DCAF17: variants seen among roughly 807,000 people sequenced by gnomAD.
The protein encoded by DCAF17 is DDB1- and CUL4-associated factor 17.
DCAF17 carries 48 observed loss-of-function variants against 66.0 expected under a neutral mutation model. That is an observed-to-expected ratio of 0.73 (90% CI 0.58 to 0.92). DCAF17 has a LOEUF of 0.92. Ranked by LOEUF, DCAF17 falls within the 40% of genes least tolerant of loss-of-function variation. The pLI, the probability that DCAF17 is intolerant of heterozygous loss-of-function variation, is 0.00. For synonymous variants in DCAF17, 206 were observed against 214.6 expected, an observed-to-expected ratio of 0.96 and a Z score of 0.35; for missense variants, 562 against 622.8, an observed-to-expected ratio of 0.90 and a Z score of 1.04.
Position 171,466,326 on chromosome 2 carries a change from T to C in DCAF17, c.839-2562T>C, listed in dbSNP as rs141826455. Among the ~76,000 whole-genome samples, 430 of 152,384 alleles carry C rather than the reference T, an allele frequency of 2.8e-3. 4 individuals are homozygous for C. Among genetic ancestry groups the C allele is most frequent in the African/African-American group, 9.9e-3 (412 of 41,598 alleles). ...TATGCTTTATGTTAAAATTGTCTTT[T>C]AAAGTATTATTTGACCTTTCACAGA... On this transcript the variant is annotated intron_variant, in intron 8 of 13. Coordinates refer to ENST00000375255, the MANE Select transcript of DCAF17 (RefSeq NM_025000.4).
intron 6 of DCAF17, among the ~76,000 whole-genome samples, chr2:171,457,304 G>A (rs1339547437): frequency 6.6e-6 from 1 of 152,170 alleles, no homozygotes; most frequent in East Asian, 1.9e-4. Flanking sequence ...ATTTATTCCT[G>A]TATGTCCAAG....
Position 171,448,689 on chromosome 2 carries a change from A to T in DCAF17, c.330A>T (p.Ile110=). The change falls in exon 4 of 14, where the codon ATA becomes ATT. Residue 110 remains isoleucine, a synonymous_variant. Transcript: ENST00000375255. The stretch of plus-strand genomic sequence containing the variant: ...TCTCTTTTTTTTTTTAGGGAGATAT[A>T]CTTCCCAATTCATCAGATTATAAGT... ...ALLWECPVGD[I]LPNSSDYKSS... is the part of the protein sequence containing the mutation. The T allele has an allele frequency of 6.3e-7, 1 of 1,583,374 alleles. No individual in the cohort carries two copies. The highest frequency in any genetic ancestry group is 8.6e-7 in the Non-Finnish European group (1 of 1,167,326).
intron 6 of DCAF17, among the ~76,000 whole-genome samples, chr2:171,454,220 G>T (rs1228839158): frequency 6.6e-6 from 1 of 151,676 alleles, no homozygotes; most frequent in Non-Finnish European, 1.5e-5. Context: ...CCTAAAGGTG[G>T]CAAGTAGAGG....
In DCAF17 at chr2:171,465,406, T is replaced by G. The variant is rs2105788068; in HGVS notation, c.839-3482T>G. ...TTTTCGATTTTGGGGTTTGCTGTTT[T>G]CCTTTTGAGTTTATTCTTGAAATTG... On this transcript the variant is annotated intron_variant, in intron 8 of 13. Coordinates refer to ENST00000375255, the MANE Select transcript of DCAF17 (RefSeq NM_025000.4). Among the ~76,000 whole-genome samples, 3 of 152,332 alleles carry G rather than the reference T, an allele frequency of 2.0e-5. 1 individual carries two copies. The Middle Eastern group carries it at 0.01, about 518-fold the overall frequency.
At chr2:171,452,627 T>A (rs1033350310) in intron 5 of DCAF17, among the ~76,000 whole-genome samples, 8 of 152,136 alleles carry the variant, frequency 5.3e-5, no homozygotes, top group African/African-American at 1.9e-4. Flanking sequence ...CTAATTTTTT[T>A]ATTTTTTGTA....
At position 171,434,287 on chromosome 2, in the gene DCAF17, G is replaced by C; in HGVS notation, c.-291G>C. The C allele has an allele frequency of 1.7e-6, 1 of 575,668 alleles. No homozygotes were observed. Among genetic ancestry groups the C allele is most frequent in the Non-Finnish European group, 3.3e-6 (1 of 307,554 alleles). The allele number at this position is 575,668 out of a possible 1,614,324, so 35.7% of individuals were successfully genotyped here. ...CATTTCCCGGTGAGAGAGCGGCTCC[G>C]GCCGGCCGCGCGGTACCGGAGCGTC... On this transcript the variant is annotated 5_prime_UTR_variant, in exon 1 of 14. Coordinates refer to ENST00000375255, the MANE Select transcript of DCAF17 (RefSeq NM_025000.4).
rs549116176 is a variant in DCAF17, at chr2:171,482,993, A to G, written c.*1879A>G. ...TAACAAACAGGAGAGCTATGCCCCA[A>G]CTAAAAGGAGCAGCTGCTACTGCTT... On this transcript the variant is annotated 3_prime_UTR_variant, in exon 14 of 14. Transcript: ENST00000375255. 6.6e-6 allele frequency: 3 copies of G among 454,004 alleles called. No individual in the cohort carries two copies. Among genetic ancestry groups the G allele is most frequent in the Non-Finnish European group, 1.3e-5 (3 of 226,792 alleles). The allele number at this position is 454,004 out of a possible 1,614,324, so 28.1% of individuals were successfully genotyped here.
chr2:171,467,925 G>A (rs1030081531), intron 8 of DCAF17, among the ~76,000 whole-genome samples: 5 of 151,822 alleles, frequency 3.3e-5, no homozygotes, highest in African/African-American at 7.3e-5. Context: ...ACTCTTACAC[G>A]AATCATCTTC....
At chr2:171,436,018 A>G (rs1693912591) in intron 2 of DCAF17, among the ~76,000 whole-genome samples, 1 of 152,084 alleles carries the variant, frequency 6.6e-6, no homozygotes, top group Admixed American at 6.6e-5. Flanking sequence ...CTAAGCAACC[A>G]CTAGTCTGTT....
rs1696758433 is a variant in DCAF17 at position 171,481,811 on chromosome 2, A to G, written c.*697A>G. 2.2e-6 allele frequency: 1 copy of G among 453,218 alleles called. No individual in the cohort carries two copies. The highest frequency in any genetic ancestry group is 4.4e-6 in the Non-Finnish European group (1 of 226,544). 28.1% of individuals were successfully genotyped at this position (453,218 alleles called of 1,614,324 possible). On this transcript the variant is annotated 3_prime_UTR_variant, in exon 14 of 14. Coordinates refer to ENST00000375255, the MANE Select transcript of DCAF17 (RefSeq NM_025000.4). ...AGATTCCAAGCAAACCTTAAGTGAA[A>G]TTGTTTTCTGATTTGCATCCTGTTT...
In DCAF17 at chr2:171,458,447, T is replaced by C. The variant is rs1695386776; in HGVS notation, c.808T>C (p.Phe270Leu). ...GTTGTVGEAP[F>L]GIPCNIKITD... ...TACTGGAACTGTAGGAGAGGCTCCT[T>C]TTGGCATTCCTTGTAATATTAAAAT... Residue 270 changes from phenylalanine (F) to leucine (L), a missense_variant, in exon 8 of 14, where the codon TTT becomes CTT. Physicochemically the swap from Phe to Leu is conservative, Grantham distance 22 (BLOSUM62 0). This residue lies in a region of DCAF17 where 348 missense variants were observed against 355.9 expected (regional missense o/e 0.98). Coordinates refer to ENST00000375255, the MANE Select transcript of DCAF17 (RefSeq NM_025000.4). The C allele has an allele frequency of 6.2e-7, 1 of 1,613,842 alleles. No individual in the cohort carries two copies. The highest frequency in any genetic ancestry group is 8.5e-7 in the Non-Finnish European group (1 of 1,179,898).
At chr2:171,448,517 A>C (rs1694765109) in intron 3 of DCAF17, among the ~76,000 whole-genome samples, 164 bp from the exon 4 acceptor site, 1 of 152,120 alleles carries the variant, frequency 6.6e-6, no homozygotes. Flanking sequence ...ATTACCCACA[A>C]TCTTATCTTT....
intron 12 of DCAF17, among the ~76,000 whole-genome samples, chr2:171,479,133 A>G (rs915567284): frequency 3.9e-5 from 6 of 152,242 alleles, no homozygotes; most frequent in African/African-American, 1.4e-4. Flanking sequence ...GTACATTTTA[A>G]TAATCAAACG....
At chr2:171,458,625 A>G (rs1219728691) in intron 8 of DCAF17, 148 bp downstream of exon 8, 5 of 672,686 alleles carry the variant, frequency 7.4e-6, no homozygotes, top group African/African-American at 1.8e-5. Context: ...TTGCTATTCA[A>G]TAATGAATAA....
At chr2:171,474,049 A>C in intron 10 of DCAF17, 74 bp downstream of exon 10, 1 of 1,260,374 alleles carries the variant, frequency 7.9e-7, no homozygotes, top group Non-Finnish European at 1.1e-6. Flanking sequence ...TATTTTTGCC[A>C]GCGAACTAGT....
intron 8 of DCAF17, among the ~76,000 whole-genome samples, chr2:171,466,754 T>A (rs1285063084): frequency 6.6e-6 from 1 of 150,842 alleles, no homozygotes; most frequent in East Asian, 1.9e-4. Context: ...TATTTTGAAT[T>A]CCTATGTCCT....
intron 10 of DCAF17, among the ~76,000 whole-genome samples, chr2:171,475,815 C>T (rs567391438): frequency 9.9e-5 from 15 of 152,176 alleles, no homozygotes; most frequent in African/African-American, 3.1e-4. Context: ...TTTTATGCTT[C>T]GTAGTAATCA....
At chr2:171,453,855 G>A (rs1283860844) in intron 6 of DCAF17, among the ~76,000 whole-genome samples, 1 of 152,144 alleles carries the variant, frequency 6.6e-6, no homozygotes, top group Non-Finnish European at 1.5e-5. Context: ...GTAGAGGACA[G>A]TATCTTGAGG....
At chr2:171,464,975 C>T (rs1559280993) in intron 8 of DCAF17, among the ~76,000 whole-genome samples, 1 of 152,098 alleles carries the variant, frequency 6.6e-6, no homozygotes, top group Admixed American at 6.5e-5. Flanking sequence ...GCAGGTGGAT[C>T]ACTTGAGGTC....
Sources: allele counts gnomAD v4.1 joint callset (sites outside exome capture counted in the v4.1 genomes callset), GRCh38; gene constraint gnomAD v4.1.1; regional missense constraint gnomAD v4.1.1; transcripts MANE v1.5; gene names NCBI Gene and HGNC (gene_info 2026-07-23, HGNC 2026-07-21).